Variants in ALK observed in about 807,000 individuals in gnomAD.
ALK encodes ALK tyrosine kinase receptor.
Under a neutral mutation model 163.1 loss-of-function variants are expected in ALK, and 74 were observed. The ratio of observed to expected loss-of-function variants is 0.45; its 90% CI spans 0.38 to 0.55. The LOEUF (loss-of-function observed/expected upper bound fraction) is 0.55, where lower values mean the gene tolerates loss of function less well. Among genes scored for constraint, ALK ranks in the 20% least tolerant of loss-of-function variants. The probability of loss-of-function intolerance (pLI) is 0.00; values close to 1 mark genes in which losing one functional copy is unlikely to be tolerated. For missense variants in ALK, 2,063 were observed against 2,105.3 expected (o/e 0.98, Z 0.39); for synonymous variants, 960 against 843.2 (o/e 1.14, Z -2.40).
At chr2:29,548,002 CT>C (rs1359274051) in intron 3 of ALK, among the ~76,000 whole-genome samples, 1 of 152,180 alleles carries the variant, frequency 6.6e-6, no homozygotes, top group African/African-American at 2.4e-5. Flanking sequence ...TCACATTTAA[CT>C]GGACATCCTG....
At chr2:29,839,268 C>A (rs1266316687) in intron 1 of ALK, among the ~76,000 whole-genome samples, 1 of 152,114 alleles carries the variant, frequency 6.6e-6, no homozygotes, top group East Asian at 1.9e-4. Flanking sequence ...GTGTTCTAAT[C>A]TCCCTTCAAT....
At chr2:29,453,792 A>T (rs1456825366) in intron 4 of ALK, among the ~76,000 whole-genome samples, 1 of 152,136 alleles carries the variant, frequency 6.6e-6, no homozygotes, top group East Asian at 1.9e-4. Context: ...TTTTGGGAAA[A>T]TTTGAGGTAT....
At position 29,226,952 on chromosome 2, in the gene ALK, C is replaced by T. The variant is rs776510871; in HGVS notation, c.3037G>A (p.Val1013Met). Reference sequence around the variant, plus strand: ...CAGGAGACGCCATCCTCAGCCAGCACCGTCCCGTGGTCACAGAAGCAGATG... The same window carrying T: ...CAGGAGACGCCATCCTCAGCCAGCATCGTCCCGTGGTCACAGAAGCAGATG... ...KVICFCDHGT[V>M]LAEDGVSCIV... is the part of the protein sequence containing the mutation. Residue 1013 changes from valine to methionine, a missense_variant, in exon 18 of 29, where the codon GTG becomes ATG. Val to Met is a conservative substitution (Grantham distance 21). This residue lies in a region of ALK where 575 missense variants were observed against 626.6 expected (regional missense o/e 0.92). Coordinates refer to ENST00000389048, the MANE Select transcript of ALK (RefSeq NM_004304.5). The T allele has an allele frequency of 1.2e-6, 2 of 1,614,212 alleles. No homozygotes were observed. The highest frequency in any genetic ancestry group is 2.2e-5 in the South Asian group (2 of 91,078).
chr2:29,500,123 G>A (rs199851187), intron 4 of ALK, among the ~76,000 whole-genome samples: 43 of 151,690 alleles, frequency 2.8e-4, no homozygotes, highest in Non-Finnish European at 6.0e-4. Context: ...CTTGATGGCT[G>A]ATATGGTTTG....
Position 29,921,194 on chromosome 2 carries a change from G to C in ALK, c.-535C>G, listed in dbSNP as rs1167044202. 8.5e-6 allele frequency: 2 copies of C among 234,642 alleles called. No individual in the cohort carries two copies. Among genetic ancestry groups the C allele is most frequent in the African/African-American group, 4.4e-5 (2 of 45,396 alleles). 14.5% of individuals were successfully genotyped at this position (234,642 alleles called of 1,614,324 possible). On this transcript the variant is annotated 5_prime_UTR_variant, in exon 1 of 29. Coordinates refer to ENST00000389048, the MANE Select transcript of ALK (RefSeq NM_004304.5). ...AAGCTCTTCTGCCCGGTCTGGGCGGGAACCGAGGGCGGAGGCTGCCGTCTT... is the reference window on the plus strand; with the variant it reads ...AAGCTCTTCTGCCCGGTCTGGGCGGCAACCGAGGGCGGAGGCTGCCGTCTT...
At chr2:29,858,939 A>G (rs1666213951) in intron 1 of ALK, among the ~76,000 whole-genome samples, 3 of 152,074 alleles carry the variant, frequency 2.0e-5, no homozygotes, top group Non-Finnish European at 2.9e-5. Flanking sequence ...AGGCTGAGGC[A>G]GGAGAATTGC....
At chr2:29,554,524 A>T (rs186528615) in intron 3 of ALK, among the ~76,000 whole-genome samples, 9 of 152,336 alleles carry the variant, frequency 5.9e-5, no homozygotes, top group Admixed American at 2.0e-4. Flanking sequence ...TTCAATGCTT[A>T]AAAGTCAGGA....
chr2:29,282,044 A>G (rs1665731395), intron 9 of ALK, among the ~76,000 whole-genome samples: 1 of 152,144 alleles, frequency 6.6e-6, no homozygotes, highest in Non-Finnish European at 1.5e-5. Flanking sequence ...AGCAGGATGG[A>G]GTGGCTGGAC....
intron 12 of ALK, among the ~76,000 whole-genome samples, chr2:29,243,537 G>A (rs918365246): frequency 1.3e-5 from 2 of 152,146 alleles, no homozygotes; most frequent in Non-Finnish European, 2.9e-5. Context: ...CTCCTTTTCC[G>A]GGGGTGACTT....
At chr2:29,231,434 C>G (rs1368576190) in intron 15 of ALK, among the ~76,000 whole-genome samples, 1 of 152,214 alleles carries the variant, frequency 6.6e-6, no homozygotes, top group Non-Finnish European at 1.5e-5. Flanking sequence ...CCCATTGGCT[C>G]TCCTGTAAAA....
chr2:29,717,189 AAG>A lies in ALK; in HGVS notation c.787+387_787+388del, dbSNP rs10670332. 1.3e-4 allele frequency among the ~76,000 whole-genome samples: 19 copies of A among 142,846 alleles called. No individual in the cohort carries two copies. The South Asian group carries it at 2.9e-3, about 21-fold the overall frequency. The allele number at this position is 142,846 out of a possible 152,430, so 93.7% of individuals were successfully genotyped here. On this transcript the variant is annotated intron_variant, in intron 2 of 28. Coordinates refer to ENST00000389048, the MANE Select transcript of ALK (RefSeq NM_004304.5). ...TCTGTCTCAAAAAAAAAAAAAAAAA[AAG>A]AGAGAGAGAGAGATTGTGATTGCTA...
At chr2:29,515,277 G>C (rs1465700706) in intron 4 of ALK, among the ~76,000 whole-genome samples, 1 of 152,112 alleles carries the variant, frequency 6.6e-6, no homozygotes, top group Non-Finnish European at 1.5e-5. Context: ...GTACCCCTCT[G>C]TCATGTATCA....
At chr2:29,293,313 T>C (rs1241918876) in intron 9 of ALK, among the ~76,000 whole-genome samples, 4 of 152,224 alleles carry the variant, frequency 2.6e-5, no homozygotes, top group African/African-American at 9.7e-5. Context: ...AATACATCAT[T>C]CTGTCAATGC....
chr2:29,892,487 C>A (rs967285832), intron 1 of ALK: 1 of 152,240 alleles, frequency 6.6e-6, no homozygotes, highest in Non-Finnish European at 1.5e-5. Context: ...GGTAGTTCCA[C>A]TGTCCCCTCT....
In ALK at chr2:29,192,791, C is replaced by A. The variant is rs577676450; in HGVS notation, c.*433G>T. 2.1e-4 allele frequency: 58 copies of A among 282,630 alleles called. No individual in the cohort carries two copies. Among genetic ancestry groups the A allele is most frequent in the African/African-American group, 1.2e-3 (57 of 46,568 alleles). 17.5% of individuals were successfully genotyped at this position (282,630 alleles called of 1,614,324 possible). ...CCCCATGCTTAGTCATTACAAATAA[C>A]TCCTTTATTTCCGTTCCCTCTCCCC... On this transcript the variant is annotated 3_prime_UTR_variant, in exon 29 of 29. Coordinates refer to ENST00000389048, the MANE Select transcript of ALK (RefSeq NM_004304.5).
At chr2:29,725,601 CT>C (rs1289649829) in intron 1 of ALK, among the ~76,000 whole-genome samples, 8 of 151,790 alleles carry the variant, frequency 5.3e-5, no homozygotes, top group African/African-American at 1.9e-4. Flanking sequence ...ACTCACACAA[CT>C]TAAGTTTCAG....
At chr2:29,346,313 G>A (rs564309944) in intron 5 of ALK, among the ~76,000 whole-genome samples, 141 of 152,174 alleles carry the variant, frequency 9.3e-4, no homozygotes, top group Non-Finnish European at 1.5e-3. Context: ...AGATCCACAG[G>A]AAGGTACCAA....
intron 4 of ALK, among the ~76,000 whole-genome samples, chr2:29,505,859 T>C (rs1220271503): frequency 6.6e-6 from 1 of 150,826 alleles, no homozygotes; most frequent in African/African-American, 2.4e-5. Flanking sequence ...CAACATCCAT[T>C]CATGGGGTGA....
chr2:29,348,720 T>G (rs909083925), intron 5 of ALK, among the ~76,000 whole-genome samples: 95 of 152,232 alleles, frequency 6.2e-4, no homozygotes, highest in African/African-American at 2.2e-3. Context: ...TGAAGTCAGT[T>G]TGGTTCTTGT....
Sources: gnomAD v4.1 joint callset for allele counts (sites outside exome capture counted in the v4.1 genomes callset) on GRCh38, gnomAD v4.1.1 for gene constraint, gnomAD v4.1.1 regional missense constraint, MANE v1.5 for transcripts, NCBI Gene and HGNC (gene_info 2026-07-23, HGNC 2026-07-21) for gene names.